SST: variants seen among roughly 807,000 people sequenced by gnomAD.
SST encodes the protein somatostatin.
Under a neutral mutation model 10.4 loss-of-function variants are expected in SST, and 7 were observed. The ratio of observed to expected loss-of-function variants is 0.67; its 90% CI spans 0.38 to 1.26. The LOEUF (loss-of-function observed/expected upper bound fraction) is 1.26, where lower values mean the gene tolerates loss of function less well. Among genes scored for constraint, SST ranks in the 50% most tolerant of loss-of-function variants. The probability of loss-of-function intolerance (pLI) is 0.02; values close to 1 mark genes in which losing one functional copy is unlikely to be tolerated. For synonymous variants in SST, 63 were observed against 63.9 expected (o/e 0.99, Z 0.07); for missense variants, 145 against 140.8 (o/e 1.03, Z -0.15).
rs758745230 is a variant in SST at position 187,670,211 on chromosome 3, C to T, written c.81G>A (p.Ser27=). The T allele has an allele frequency of 1.3e-6, 2 of 1,595,188 alleles. No individual in the cohort carries two copies. Among genetic ancestry groups the T allele is most frequent in the East Asian group, 2.3e-5 (1 of 43,930 alleles). Residue 27 remains serine (S), a synonymous_variant, in exon 1 of 2, where the codon TCG becomes TCA. Coordinates refer to ENST00000287641, the MANE Select transcript of SST (RefSeq NM_001048.4). ...GCAGAAACTGACGGAGTCTGGGGTCCGAGGGAGCGCCGGTGACACAGCCCA... is the reference window on the plus strand; with the variant it reads ...GCAGAAACTGACGGAGTCTGGGGTCTGAGGGAGCGCCGGTGACACAGCCCA... ...LALGCVTGAP[S]DPRLRQFLQK...
At chr3:187,669,533 CACACACACACACACACACACGCACAA>C (rs1263089659) in intron 1 of SST, among the ~76,000 whole-genome samples, 2 of 138,152 alleles carry the variant, frequency 1.4e-5, no homozygotes, top group Non-Finnish European at 3.1e-5. Context: ...AGACTTAACA[CACACACACACACACACACACGCACAA>C]ACACACACAC....
Position 187,670,193 on chromosome 3 carries a change from C to A in SST, c.99G>T (p.Gln33His), listed in dbSNP as rs1390404178. The change falls in exon 1 of 2, where the codon CAG becomes CAT. Residue 33 changes from glutamine (Q) to histidine (H), a missense_variant. Physicochemically the swap from Gln to His is conservative, Grantham distance 24. Transcript: ENST00000287641. ...TGAPSDPRLR[Q>H]FLQKSLAAAA... ...CAGCAGCCAGGGACTTCTGCAGAAACTGACGGAGTCTGGGGTCCGAGGGAG... is the reference window on the plus strand; with the variant it reads ...CAGCAGCCAGGGACTTCTGCAGAAAATGACGGAGTCTGGGGTCCGAGGGAG... 3 of 1,594,432 alleles carry A rather than the reference C, an allele frequency of 1.9e-6. No individual in the cohort carries two copies. The South Asian group carries it at 3.4e-5, about 18-fold the overall frequency.
At position 187,669,156 on chromosome 3, in the gene SST, T is replaced by C. The variant is rs1432256919; in HGVS notation, c.260A>G (p.Gln87Arg). The C allele has an allele frequency of 6.2e-7, 1 of 1,613,906 alleles. No individual in the cohort carries two copies. The highest frequency in any genetic ancestry group is 8.5e-7 in the Non-Finnish European group (1 of 1,180,022). ...AEQDEMRLEL[Q>R]RSANSNPAMA... ...AGCCGGGTTTGAGTTAGCAGATCTC[T>C]GCAGCTCAAGCCTCATTTCATCCTG... is the stretch of plus-strand genomic sequence containing the variant. The change falls in exon 2 of 2, where the codon CAG (glutamine) becomes CGG (arginine). Residue 87 changes from glutamine (Q) to arginine (R), a missense_variant. By Grantham distance (43) the Gln-to-Arg change is conservative. Transcript: ENST00000287641.
rs1717202922 is a variant in SST, at chr3:187,670,178, G to A, written c.114C>T (p.Ser38=). ...CCTGCTTCCCCGCGGCAGCAGCCAGGGACTTCTGCAGAAACTGACGGAGTC... is the reference window on the plus strand; with the variant it reads ...CCTGCTTCCCCGCGGCAGCAGCCAGAGACTTCTGCAGAAACTGACGGAGTC... ...DPRLRQFLQK[S]LAAAAGKQEL... The change falls in exon 1 of 2, where the codon TCC becomes TCT. Residue 38 remains serine (S), a synonymous_variant. Coordinates refer to ENST00000287641, the MANE Select transcript of SST (RefSeq NM_001048.4). 1.9e-6 allele frequency: 3 copies of A among 1,592,412 alleles called. No homozygotes were observed. Among genetic ancestry groups the A allele is most frequent in the African/African-American group, 1.3e-5 (1 of 74,464 alleles).
Position 187,669,280 on chromosome 3 carries a change from G to T in SST, c.139-3C>A, listed in dbSNP as rs1717180832. On this transcript the variant is annotated splice_region_variant and splice_polypyrimidine_tract_variant and intron_variant, in intron 1 of 1. Transcript: ENST00000287641. ...GCCAAGAAGTACTTGGCCAGTTCCT[G>T]TATAGGGCAGAAGGGATAGAAAAAG... 1 of 1,613,452 alleles carries T rather than the reference G, an allele frequency of 6.2e-7. No individual in the cohort carries two copies. Among genetic ancestry groups the T allele is most frequent in the Non-Finnish European group, 8.5e-7 (1 of 1,179,920 alleles).
Position 187,670,228 on chromosome 3 carries a change from C to T in SST, c.64G>A (p.Val22Ile). The T allele has an allele frequency of 1.3e-6, 2 of 1,596,370 alleles. No homozygotes were observed. The highest frequency in any genetic ancestry group is 1.7e-6 in the Non-Finnish European group (2 of 1,171,658). ...CTGGGGTCCGAGGGAGCGCCGGTGA[C>T]ACAGCCCAGGGCCAGGACGATGGAC... ...ALSIVLALGC[V>I]TGAPSDPRLR... The change falls in exon 1 of 2, where the codon GTC (valine) becomes ATC (isoleucine). Residue 22 changes from valine (V) to isoleucine (I), a missense_variant. Coordinates refer to ENST00000287641, the MANE Select transcript of SST (RefSeq NM_001048.4).
Position 187,669,011 on chromosome 3 carries a change from G to C in SST, c.*54C>G. On this transcript the variant is annotated 3_prime_UTR_variant, in exon 2 of 2. Coordinates refer to ENST00000287641, the MANE Select transcript of SST (RefSeq NM_001048.4). The stretch of plus-strand genomic sequence containing the variant: ...CTTGGAGGATTAGGGAAGAGAGATG[G>C]GGTGTGGGGGCGAGGGATCAGAGGT... 1 of 1,529,844 alleles carries C rather than the reference G, an allele frequency of 6.5e-7. No individual in the cohort carries two copies. Among genetic ancestry groups the C allele is most frequent in the Non-Finnish European group, 9.1e-7 (1 of 1,103,906 alleles). 94.8% of individuals were successfully genotyped at this position (1,529,844 alleles called of 1,614,324 possible).
rs142489455 is a variant in SST at position 187,669,457 on chromosome 3, A to G, written c.139-180T>C. On this transcript the variant is annotated intron_variant, in intron 1 of 1. Coordinates refer to ENST00000287641, the MANE Select transcript of SST (RefSeq NM_001048.4). ...GGATATAAAAATAAGGATAGTTGCT[A>G]TAATTACCAAGTTACACAAAAAGGC... 7.8e-3 allele frequency among the ~76,000 whole-genome samples: 1,182 copies of G among 152,218 alleles called. 8 individuals carry two copies. The highest frequency in any genetic ancestry group is 0.021 in the Admixed American group (315 of 15,278).
Position 187,669,193 on chromosome 3 carries a change from G to A in SST, c.223C>T (p.Gln75Ter). 6.2e-7 allele frequency: 1 copy of A among 1,614,012 alleles called. No homozygotes were observed. Among genetic ancestry groups the A allele is most frequent in the Non-Finnish European group, 8.5e-7 (1 of 1,180,034 alleles). The change falls in exon 2 of 2, where the codon CAG becomes TAG. Residue 75 changes from glutamine to a stop codon, truncating the protein, a stop_gained. Coordinates refer to ENST00000287641, the MANE Select transcript of SST (RefSeq NM_001048.4). LOFTEE classifies it high-confidence loss of function. ...CTCATTTCATCCTGCTCAGCAGCCTGGGACAGATCTTCAGGTTCCAGGGCA... is the reference window on the plus strand; with the variant it reads ...CTCATTTCATCCTGCTCAGCAGCCTAGGACAGATCTTCAGGTTCCAGGGCA... ...NDALEPEDLS[Q>*]AAEQDEMRLE...
intron 1 of SST, among the ~76,000 whole-genome samples, chr3:187,669,695 G>A (rs1717193101): frequency 6.6e-6 from 1 of 152,120 alleles, no homozygotes; most frequent in Admixed American, 6.5e-5. Flanking sequence ...TAAACTGTAG[G>A]GGAACGAGAC....
intron 1 of SST, 40 bp downstream of exon 1, chr3:187,670,114 G>T: frequency 6.4e-7 from 1 of 1,563,404 alleles, no homozygotes; most frequent in East Asian, 2.4e-5. Flanking sequence ...GGCTTAGGGA[G>T]GGCTGGAGAA....
chr3:187,669,264 T>C lies in SST; in HGVS notation c.152A>G (p.Tyr51Cys), dbSNP rs1717180264. 6.2e-7 allele frequency: 1 copy of C among 1,613,506 alleles called. No homozygotes were observed. The highest frequency in any genetic ancestry group is 1.3e-5 in the African/African-American group (1 of 74,774). Residue 51 changes from tyrosine to cysteine, a missense_variant, in exon 2 of 2, where the codon TAC (tyrosine) becomes TGC (cysteine). By Grantham distance (194) the Tyr-to-Cys change is radical (BLOSUM62 -2). Coordinates refer to ENST00000287641, the MANE Select transcript of SST (RefSeq NM_001048.4). ...AAAGKQELAK[Y>C]FLAELLSEPN... Reference sequence around the variant, plus strand: ...TTCAGACAGCAGCTCTGCCAAGAAGTACTTGGCCAGTTCCTGTATAGGGCA... The same window carrying C: ...TTCAGACAGCAGCTCTGCCAAGAAGCACTTGGCCAGTTCCTGTATAGGGCA...
At chr3:187,669,559 A>AACAC (rs58680547) in intron 1 of SST, among the ~76,000 whole-genome samples, 4,416 of 145,286 alleles carry the variant, frequency 0.03, 64 homozygotes, top group African/African-American at 0.034. Flanking sequence ...CACACGCACA[A>AACAC]ACACACACAC....
chr3:187,669,654 A>T (rs1717192298), intron 1 of SST, among the ~76,000 whole-genome samples: 1 of 152,130 alleles, frequency 6.6e-6, no homozygotes, highest in Admixed American at 6.5e-5. Context: ...CACGAGCTAC[A>T]AAGTAGAATT....
rs527982789 is a variant in SST at position 187,669,872 on chromosome 3, G to T, written c.138+282C>A. Among the ~76,000 whole-genome samples the T allele has an allele frequency of 2.6e-5, 4 of 152,214 alleles. No individual in the cohort carries two copies. The East Asian group carries it at 5.8e-4, about 22-fold the overall frequency. ...AGCACCAGGGATAGACGCCATTGTCGCTTCGTGCCCAGACAACTACCCAGA... is the reference window on the plus strand; with the variant it reads ...AGCACCAGGGATAGACGCCATTGTCTCTTCGTGCCCAGACAACTACCCAGA... On this transcript the variant is annotated intron_variant, in intron 1 of 1. Transcript: ENST00000287641.
Position 187,669,293 on chromosome 3 carries a change from G to C in SST, c.139-16C>G. The C allele has an allele frequency of 2.5e-6, 4 of 1,610,672 alleles. No individual in the cohort carries two copies. The highest frequency in any genetic ancestry group is 2.5e-6 in the Non-Finnish European group (3 of 1,178,168). On this transcript the variant is annotated splice_polypyrimidine_tract_variant and intron_variant, in intron 1 of 1. Coordinates refer to ENST00000287641, the MANE Select transcript of SST (RefSeq NM_001048.4). Reference sequence around the variant, plus strand: ...TGGCCAGTTCCTGTATAGGGCAGAAGGGATAGAAAAAGAGAGAAAGAGAAG... The same window carrying C: ...TGGCCAGTTCCTGTATAGGGCAGAACGGATAGAAAAAGAGAGAAAGAGAAG...
chr3:187,670,385 A>G lies in SST; in HGVS notation c.-94T>C. On this transcript the variant is annotated 5_prime_UTR_variant, in exon 1 of 2. Transcript: ENST00000287641. Reference sequence around the variant, plus strand: ...CGATGGCTCCGAACCTCGCTCCTAAAGCGGCTTGTGTGCTCTCAACCGTCT... The same window carrying G: ...CGATGGCTCCGAACCTCGCTCCTAAGGCGGCTTGTGTGCTCTCAACCGTCT... The G allele has an allele frequency of 7.0e-7, 1 of 1,435,076 alleles. No homozygotes were observed. The allele number at this position is 1,435,076 out of a possible 1,614,324, so 88.9% of individuals were successfully genotyped here. A position where few individuals can be genotyped will look rare whatever the true frequency, so the allele number is the denominator to read the frequency against.
At chr3:187,669,419 T>A in intron 1 of SST, 142 bp from the exon 2 acceptor site, 1 of 736,674 alleles carries the variant, frequency 1.4e-6, no homozygotes, top group Non-Finnish European at 2.2e-6. Flanking sequence ...TTGTCACATT[T>A]AAAATCAATC....
intron 1 of SST, 26 bp downstream of exon 1, chr3:187,670,127 CG>C: frequency 1.3e-6 from 2 of 1,570,518 alleles, no homozygotes; most frequent in South Asian, 2.4e-5. Flanking sequence ...CTGGAGAATC[CG>C]GGAGACGTCG....
Sources: gnomAD v4.1 joint callset for allele counts (sites outside exome capture counted in the v4.1 genomes callset) on GRCh38, gnomAD v4.1.1 for gene constraint, MANE v1.5 for transcripts, NCBI Gene and HGNC (gene_info 2026-07-23, HGNC 2026-07-21) for gene names.